UNC79: variants seen among roughly 807,000 people sequenced by gnomAD.
UNC79 encodes unc-79 subunit of NALCN channel complex.
Under a neutral mutation model 283.1 loss-of-function variants are expected in UNC79, and 37 were observed. The observed-to-expected ratio is 0.13, with a 90% CI of 0.10 to 0.17. The LOEUF (loss-of-function observed/expected upper bound fraction) is 0.17, where lower values mean the gene tolerates loss of function less well. Ranked by LOEUF, UNC79 falls within the 10% of genes least tolerant of loss-of-function variation. The pLI is 1.00. For missense variants in UNC79, 2,272 were observed against 3,211.1 expected (o/e 0.71, Z 7.07); for synonymous variants, 1,107 against 1,200.2 (o/e 0.92, Z 1.61).
At chr14:93,358,671 T>A (rs2054159473) in intron 1 of UNC79, among the ~76,000 whole-genome samples, 1 of 152,204 alleles carries the variant, frequency 6.6e-6, no homozygotes. Context: ...GAACTTTTTT[T>A]TGCCAGAAGA....
At chr14:93,425,994 A>G (rs2055717991), upstream of UNC79, among the ~76,000 whole-genome samples, 1 of 152,194 alleles carries the variant, frequency 6.6e-6, no homozygotes, top group Non-Finnish European at 1.5e-5. Flanking sequence ...TATTTCCTAT[A>G]GTGCAAGTCT....
At chr14:93,668,372 C>T (rs1281026326) in intron 40 of UNC79, among the ~76,000 whole-genome samples, 1 of 152,092 alleles carries the variant, frequency 6.6e-6, no homozygotes, top group East Asian at 1.9e-4. Flanking sequence ...ATAAAACATA[C>T]TTTTAAAATG....
intron 39 of UNC79, among the ~76,000 whole-genome samples, chr14:93,661,539 G>A (rs1416134631): frequency 6.6e-6 from 1 of 152,144 alleles, no homozygotes; most frequent in Non-Finnish European, 1.5e-5. Flanking sequence ...TCTCTGCAGA[G>A]CAATTCTACC....
In UNC79 at chr14:93,534,694, G is replaced by A. The variant is rs577602533; in HGVS notation, c.1122+2116G>A. On this transcript the variant is annotated intron_variant, in intron 11 of 48. Transcript: ENST00000555664. ...TGAGGCCATTCTTACTTTGAGAATC[G>A]TTTCTAAGCTTGTGGGACCAGGATT... Among the ~76,000 whole-genome samples, 157 of 152,198 alleles carry A rather than the reference G, an allele frequency of 1.0e-3. 1 individual carries two copies. The highest frequency in any genetic ancestry group is 3.5e-3 in the African/African-American group (147 of 41,540).
rs2054072308 is a variant in UNC79 at position 93,355,672 on chromosome 14, ATTGACCACCTC to A, written c.-351+22152_-351+22162del. The stretch of plus-strand genomic sequence containing the variant: ...ATTTTACATTTTTAACTTCTCTTAC[ATTGACCACCTC>A]TTTCCATCCAGGTTCAGCTTCATCT... On this transcript the variant is annotated intron_variant, in intron 1 of 49. Coordinates refer to the UNC79 transcript ENST00000256339. 2.0e-5 allele frequency among the ~76,000 whole-genome samples: 3 copies of A among 152,280 alleles called. No homozygotes were observed. In the South Asian group the frequency reaches 6.2e-4, roughly 32 times the overall value.
intron 40 of UNC79, among the ~76,000 whole-genome samples, chr14:93,667,375 G>T (rs770004724): frequency 2.0e-5 from 3 of 152,098 alleles, no homozygotes; most frequent in Non-Finnish European, 4.4e-5. Context: ...AAAACACACT[G>T]ATAAAGAATA....
intron 7 of UNC79, among the ~76,000 whole-genome samples, chr14:93,516,457 G>GT (rs1263301613): frequency 2.6e-5 from 3 of 117,588 alleles, no homozygotes; most frequent in South Asian, 3.3e-4. Context: ...TTTTGGGGGG[G>GT]GGGGTGGGGG....
At chr14:93,707,147 A>G (rs2075927458), downstream of UNC79, 2 of 410,750 alleles carry the variant, frequency 4.9e-6, no homozygotes, top group Non-Finnish European at 4.2e-6. Context: ...AAACCAAATC[A>G]TTTTTCTTTA....
At position 93,472,984 on chromosome 14, in the gene UNC79, C is replaced by T. The variant is rs1373096483; in HGVS notation, c.144-1105C>T. Among the ~76,000 whole-genome samples the T allele has an allele frequency of 4.6e-5, 7 of 152,174 alleles. No homozygotes were observed. In the East Asian group the frequency reaches 1.3e-3, roughly 29 times the overall value. ...TACAAAACCTAAACATTTTGCTAAG[C>T]AGTAACTTCTTCTATTTTTAAATTA... On this transcript the variant is annotated intron_variant, in intron 2 of 48. Transcript: ENST00000555664.
intron 30 of UNC79, among the ~76,000 whole-genome samples, chr14:93,624,196 G>A (rs562685520): frequency 6.6e-6 from 1 of 152,272 alleles, no homozygotes; most frequent in Admixed American, 6.5e-5. Flanking sequence ...ATTTCCAGAG[G>A]TTTCTAGCTG....
chr14:93,338,258 G>T (rs968540429), intron 1 of UNC79, among the ~76,000 whole-genome samples: 1 of 152,076 alleles, frequency 6.6e-6, no homozygotes, highest in Non-Finnish European at 1.5e-5. Flanking sequence ...GAATTCACTG[G>T]TGATCTGGTT....
At chr14:93,449,666 C>G (rs1337994171) in intron 1 of UNC79, among the ~76,000 whole-genome samples, 1 of 151,920 alleles carries the variant, frequency 6.6e-6, no homozygotes, top group Non-Finnish European at 1.5e-5. Flanking sequence ...AATATGGGAG[C>G]CTTCTCAACA....
At chr14:93,385,159 T>C (rs1392726633) in intron 1 of UNC79, among the ~76,000 whole-genome samples, 1 of 152,214 alleles carries the variant, frequency 6.6e-6, no homozygotes, top group African/African-American at 2.4e-5. Context: ...GCTATTCTTT[T>C]ATGGTTCCAT....
intron 1 of UNC79, among the ~76,000 whole-genome samples, chr14:93,453,142 A>G (rs553095958): frequency 1.3e-5 from 2 of 152,366 alleles, no homozygotes; most frequent in Non-Finnish European, 2.9e-5. Context: ...ATAGCCAGAC[A>G]TTTAAGGACG....
intron 7 of UNC79, 52 bp from the exon 8 acceptor site, chr14:93,523,926 G>A (rs2060434582): frequency 1.1e-5 from 18 of 1,573,826 alleles, no homozygotes; most frequent in Non-Finnish European, 1.4e-5. Context: ...TTTTTACTAG[G>A]GCATGAATAA....
chr14:93,508,284 C>T (rs1020099287), intron 7 of UNC79, among the ~76,000 whole-genome samples: 8 of 151,734 alleles, frequency 5.3e-5, no homozygotes, highest in East Asian at 1.9e-4. Context: ...TTTGGGAGGC[C>T]GAGGTGGGAG....
Position 93,491,934 on chromosome 14 carries a change from C to T in UNC79, c.712+4179C>T, listed in dbSNP as rs144338505. 1.8e-4 allele frequency among the ~76,000 whole-genome samples: 27 copies of T among 152,290 alleles called. 1 individual carries two copies. The East Asian group carries it at 5.0e-3, about 28-fold the overall frequency. ...GGAAGCACTTAAGCGAGGCAATATC[C>T]ACCAGGGGCTCTCTGGGACCAAGTG... On this transcript the variant is annotated intron_variant, in intron 5 of 48. Transcript: ENST00000555664.
chr14:93,601,800 A>G (rs2142053565), intron 25 of UNC79, among the ~76,000 whole-genome samples: 1 of 152,190 alleles, frequency 6.6e-6, no homozygotes, highest in East Asian at 1.9e-4. Context: ...GCATTCTTGC[A>G]GGAGTAAGGT....
intron 37 of UNC79, 128 bp downstream of exon 40, chr14:93,654,153 A>T: frequency 1.6e-6 from 1 of 611,320 alleles, no homozygotes. Context: ...TATTTAATTT[A>T]AAAATGAAAT....
Sources: gnomAD v4.1 joint callset for allele counts (sites outside exome capture counted in the v4.1 genomes callset) on GRCh38, gnomAD v4.1.1 for gene constraint, MANE v1.5 for transcripts, NCBI Gene and HGNC (gene_info 2026-07-23, HGNC 2026-07-21) for gene names.